PIEZO2: variants seen among roughly 807,000 people sequenced by gnomAD.
PIEZO2 encodes piezo type mechanosensitive ion channel component 2.
Under a neutral mutation model 337.3 loss-of-function variants are expected in PIEZO2, and 172 were observed. The observed-to-expected ratio is 0.51, with a 90% confidence interval of 0.45 to 0.58. The LOEUF (loss-of-function observed/expected upper bound fraction) is 0.58, where lower values mean the gene tolerates loss of function less well. Ranked by LOEUF, PIEZO2 falls within the 20% of genes least tolerant of loss-of-function variation. The pLI, the probability that PIEZO2 is intolerant of heterozygous loss-of-function variation, is 0.00. For missense variants in PIEZO2, 3,028 were observed against 3,391.3 expected (o/e 0.89, Z 2.66); for synonymous variants, 1,251 against 1,228.5 (o/e 1.02, Z -0.38).
intron 4 of PIEZO2, among the ~76,000 whole-genome samples, chr18:10,874,649 G>T (rs1003194212): frequency 6.6e-5 from 10 of 152,080 alleles, no homozygotes; most frequent in Admixed American, 6.5e-4. Flanking sequence ...AAAAAAGAAT[G>T]AAATCCTGTA....
chr18:11,029,487 C>T (rs191989505), intron 2 of PIEZO2, among the ~76,000 whole-genome samples: 382 of 152,276 alleles, frequency 2.5e-3, no homozygotes, highest in Non-Finnish European at 3.9e-3. Context: ...TTAGGCGGCT[C>T]CCTCCTGCTA....
intron 7 of PIEZO2, among the ~76,000 whole-genome samples, chr18:10,836,065 C>T (rs1166919745): frequency 6.6e-6 from 1 of 152,124 alleles, no homozygotes; most frequent in East Asian, 1.9e-4. Context: ...ACTTTATGAA[C>T]AGTTTGTGAT....
At position 10,859,766 on chromosome 18, in the gene PIEZO2, G is replaced by A. The variant is rs1298206671; in HGVS notation, c.493-2555C>T. Among the ~76,000 whole-genome samples, 2 of 152,104 alleles carry A rather than the reference G, an allele frequency of 1.3e-5. No homozygotes were observed. The highest frequency in any genetic ancestry group is 2.1e-4 in the South Asian group (1 of 4,830). On this transcript the variant is annotated intron_variant, in intron 5 of 55. Transcript: ENST00000674853. The surrounding 1 kb of genome is among the most constrained non-coding windows in gnomAD (Gnocchi z 4.9). ...TCAGACTTTGATCTTCAACCACTCC[G>A]TCTAATGAGAGGCACACATGATTTG...
At chr18:11,062,693 A>G (rs2038011265) in intron 2 of PIEZO2, among the ~76,000 whole-genome samples, 1 of 152,242 alleles carries the variant, frequency 6.6e-6, no homozygotes, top group Non-Finnish European at 1.5e-5. Context: ...AGAAATGCAA[A>G]TCAAAACCAC....
At chr18:11,030,466 G>C (rs1391048610) in intron 2 of PIEZO2, among the ~76,000 whole-genome samples, 1 of 152,162 alleles carries the variant, frequency 6.6e-6, no homozygotes, top group Non-Finnish European at 1.5e-5. Flanking sequence ...TGAGAAAACT[G>C]AGGCCCAAAG....
intron 1 of PIEZO2, among the ~76,000 whole-genome samples, chr18:11,134,463 C>T (rs1290923379): frequency 6.6e-6 from 1 of 152,172 alleles, no homozygotes; most frequent in East Asian, 1.9e-4. Flanking sequence ...CACCCATCAG[C>T]GCTGGCTTCA....
chr18:11,018,216 TGGTG>T (rs2036186705), intron 2 of PIEZO2, among the ~76,000 whole-genome samples: 14 of 134,136 alleles, frequency 1.0e-4, no homozygotes, highest in Admixed American at 6.7e-4. Context: ...GTGGTGGTGG[TGGTG>T]GTGTGTGTGT....
intron 4 of PIEZO2, among the ~76,000 whole-genome samples, chr18:10,885,477 T>C (rs567019015): frequency 6.6e-6 from 1 of 151,886 alleles, no homozygotes; most frequent in Non-Finnish European, 1.5e-5. Context: ...GTCAAGGAGG[T>C]GATAGGAACA....
At chr18:10,684,886 G>A (rs73395371) in intron 49 of PIEZO2, among the ~76,000 whole-genome samples, 42,442 of 151,474 alleles carry the variant, frequency 0.28, 7,136 homozygotes, top group African/African-American at 0.48. Context: ...CTGCTGCCCT[G>A]AGATAGTCTC....
chr18:10,681,633 C>T (rs1460448712), intron 51 of PIEZO2, 28 bp downstream of exon 51: 1 of 1,524,894 alleles, frequency 6.6e-7, no homozygotes, highest in Non-Finnish European at 9.1e-7. Flanking sequence ...GAGGTCTTCA[C>T]AGAAATCTAC....
In PIEZO2 at chr18:10,871,255, A is replaced by G. The variant is rs1214967510; in HGVS notation, c.490T>C (p.Leu164=). The G allele has an allele frequency of 2.5e-5, 38 of 1,536,128 alleles. No individual in the cohort carries two copies. The highest frequency in any genetic ancestry group is 3.3e-5 in the Non-Finnish European group (38 of 1,146,442). The stretch of plus-strand genomic sequence containing the variant: ...AAGAGACATGGAGTTGGATTTACCA[A>G]TTCTTCATTTTCAAACTCCGGGTTA... ...QSNPEFENEE[L]AEGEKIDSEE... is the part of the protein sequence containing the mutation. The change falls in exon 5 of 56, where the codon TTG becomes CTG. Residue 164 remains leucine, a splice_region_variant and synonymous_variant. Transcript: ENST00000674853.
At chr18:11,133,609 G>A (rs2040399569) in intron 1 of PIEZO2, among the ~76,000 whole-genome samples, 1 of 152,090 alleles carries the variant, frequency 6.6e-6, no homozygotes, top group South Asian at 2.1e-4. Context: ...ACGTGAAAAG[G>A]AGAGATGGGC....
At chr18:11,010,080 C>G (rs1047319830) in intron 2 of PIEZO2, among the ~76,000 whole-genome samples, 11 of 152,146 alleles carry the variant, frequency 7.2e-5, no homozygotes, top group African/African-American at 2.7e-4. Context: ...TGTGAAGGAG[C>G]TCCTGAAACC....
intron 35 of PIEZO2, among the ~76,000 whole-genome samples, chr18:10,732,782 A>C (rs1461683611): frequency 6.6e-6 from 1 of 152,188 alleles, no homozygotes; most frequent in African/African-American, 2.4e-5. Context: ...ATTGGGTGTT[A>C]ATTGGGAATT....
At chr18:10,747,868 T>C (rs369222332) in intron 30 of PIEZO2, among the ~76,000 whole-genome samples, 2 of 152,290 alleles carry the variant, frequency 1.3e-5, no homozygotes, top group East Asian at 1.9e-4. Context: ...AAGCATCTGA[T>C]GGGACCTAGG....
rs2032836981 is a variant in PIEZO2 at position 10,943,560 on chromosome 18, T to C, written c.287-32332A>G. ...TATTTGCCCAATGCCTTTACCCCCA[T>C]TGTATACAGGAAGTAACTAACTTGC... On this transcript the variant is annotated intron_variant, in intron 3 of 55. Coordinates refer to ENST00000674853, the MANE Select transcript of PIEZO2 (RefSeq NM_001378183.1). The surrounding 1 kb of genome is among the most constrained non-coding windows in gnomAD (Gnocchi z 4.5). Among the ~76,000 whole-genome samples the C allele has an allele frequency of 1.3e-5, 2 of 152,222 alleles. No individual in the cohort carries two copies. Among genetic ancestry groups the C allele is most frequent in the African/African-American group, 4.8e-5 (2 of 41,452 alleles).
At chr18:10,857,326 A>C in intron 5 of PIEZO2, 115 bp from the exon 6 acceptor site, 1 of 866,366 alleles carries the variant, frequency 1.2e-6, no homozygotes, top group Non-Finnish European at 1.8e-6. Context: ...ACAGATCAGG[A>C]AAAAAGGGAA....
intron 1 of PIEZO2, among the ~76,000 whole-genome samples, chr18:11,089,806 T>C (rs62083645): frequency 0.16 from 24,298 of 152,124 alleles, 2,194 homozygotes; most frequent in Non-Finnish European, 0.2. Context: ...ACAAGTCAAA[T>C]ACAAACCTCT....
chr18:10,785,072 A>C lies in PIEZO2; in HGVS notation c.2319-115T>G, dbSNP rs12604151. On this transcript the variant is annotated intron_variant, in intron 16 of 55. Transcript: ENST00000674853. ...CTCCTGTCAGGTCTATCGTTTATTG[A>C]ATCCCTCTCTCCCATATGGTCCAAT... 956,753 of 1,107,064 alleles carry C rather than the reference A, an allele frequency of 0.86. 414,098 individuals are homozygous for C. The highest frequency in any genetic ancestry group is 0.93 in the East Asian group (35,417 of 37,934). The allele number at this position is 1,107,064 out of a possible 1,614,324, so 68.6% of individuals were successfully genotyped here. A position where few individuals can be genotyped will look rare whatever the true frequency, so the allele number is the denominator to read the frequency against.
Sources: gnomAD v4.1 joint callset for allele counts (sites outside exome capture counted in the v4.1 genomes callset) on GRCh38, gnomAD v4.1.1 for gene constraint, Gnocchi (gnomAD v3.1) non-coding constraint, MANE v1.5 for transcripts, NCBI Gene and HGNC (gene_info 2026-07-23, HGNC 2026-07-21) for gene names.